The following LYST variants were observed in gnomAD, a reference collection of about 807,000 sequenced individuals.
LYST encodes lysosomal trafficking regulator.
A neutral mutation model predicts 413.6 loss-of-function variants in LYST; 192 were observed. The observed-to-expected ratio is 0.46, with a 90% CI of 0.41 to 0.52. The LOEUF (loss-of-function observed/expected upper bound fraction) is 0.52, where lower values mean the gene tolerates loss of function less well. Ranked by LOEUF, LYST falls within the 20% of genes least tolerant of loss-of-function variation. The pLI, the probability that LYST is intolerant of heterozygous loss-of-function variation, is 0.00. For synonymous variants in LYST, 1,525 were observed against 1,567.3 expected, an observed-to-expected ratio of 0.97 and a Z score of 0.64; for missense variants, 3,815 against 4,499.9, an observed-to-expected ratio of 0.85 and a Z score of 4.35.
intron 38 of LYST, among the ~76,000 whole-genome samples, chr1:235,724,738 C>T (rs528317910): frequency 1.1e-4 from 16 of 152,296 alleles, no homozygotes; most frequent in Admixed American, 5.2e-4. Context: ...TATAGTTTTG[C>T]CTTTTCCAAA....
intron 1 of LYST, among the ~76,000 whole-genome samples, chr1:235,861,694 T>G (rs1024815080): frequency 2.0e-5 from 3 of 152,212 alleles, no homozygotes; most frequent in African/African-American, 4.8e-5. Flanking sequence ...GACGTGTTGC[T>G]GTGTTGCCCA....
chr1:235,804,399 T>C (rs1460169593), intron 7 of LYST, 105 bp downstream of exon 7: 3 of 882,114 alleles, frequency 3.4e-6, no homozygotes, highest in Non-Finnish European at 5.7e-6. Flanking sequence ...GACCAAGTCC[T>C]AGTCCATATG....
chr1:235,824,022 T>G (rs1423810243), intron 3 of LYST, among the ~76,000 whole-genome samples: 1 of 152,214 alleles, frequency 6.6e-6, no homozygotes, highest in Non-Finnish European at 1.5e-5. Flanking sequence ...AGGTCTGATA[T>G]TGTTCTATTT....
At chr1:235,860,392 G>C (rs1679724440) in intron 1 of LYST, among the ~76,000 whole-genome samples, 1 of 152,136 alleles carries the variant, frequency 6.6e-6, no homozygotes, top group Non-Finnish European at 1.5e-5. Flanking sequence ...ATTCACTCTT[G>C]ATGTGGTATA....
At chr1:235,672,604 CATG>C (rs1659034993) in intron 50 of LYST, among the ~76,000 whole-genome samples, 1 of 152,094 alleles carries the variant, frequency 6.6e-6, no homozygotes, top group African/African-American at 2.4e-5. Flanking sequence ...CTTTTCAAAT[CATG>C]ATATTTTAGT....
intron 1 of LYST, among the ~76,000 whole-genome samples, chr1:235,875,615 G>C (rs1572512273): frequency 6.6e-6 from 1 of 152,170 alleles, no homozygotes; most frequent in Admixed American, 6.5e-5. Context: ...GTCTAAATTA[G>C]TCTTCATCCT....
chr1:235,762,650 A>T (rs199738377), intron 22 of LYST, 70 bp downstream of exon 22: 2 of 1,482,524 alleles, frequency 1.3e-6, no homozygotes, highest in Non-Finnish European at 1.9e-6. Flanking sequence ...TAAAATATGT[A>T]CAATTTAATT....
chr1:235,728,053 T>C (rs887404675), intron 38 of LYST, 23 bp downstream of exon 38: 3 of 1,570,804 alleles, frequency 1.9e-6, no homozygotes, highest in Non-Finnish European at 2.6e-6. Flanking sequence ...TTTATGTAAA[T>C]ACAGACTTAA....
At position 235,782,091 on chromosome 1, in the gene LYST, C is replaced by A. The variant is rs201382097; in HGVS notation, c.4863-4G>T. 2 of 1,607,984 alleles carry A rather than the reference C, an allele frequency of 1.2e-6. No individual in the cohort carries two copies. The highest frequency in any genetic ancestry group is 1.7e-6 in the Non-Finnish European group (2 of 1,176,280). On this transcript the variant is annotated splice_region_variant and splice_polypyrimidine_tract_variant and intron_variant, in intron 14 of 52. Coordinates refer to ENST00000389793, the MANE Select transcript of LYST (RefSeq NM_000081.4). ...ATCCAAAGTAACATCAGGCTTCCTA[C>A]ATTAAAAACAAAACAAAGTTAAAGC...
chr1:235,750,702 TCTTC>T (rs1558187491), intron 28 of LYST, among the ~76,000 whole-genome samples: 1 of 152,198 alleles, frequency 6.6e-6, no homozygotes, highest in Non-Finnish European at 1.5e-5. Flanking sequence ...TTGATGACAT[TCTTC>T]CTTATTTAAT....
At chr1:235,740,493 T>C (rs1665271071) in intron 31 of LYST, among the ~76,000 whole-genome samples, 1 of 152,294 alleles carries the variant, frequency 6.6e-6, no homozygotes, top group South Asian at 2.1e-4. Context: ...TGCTTGTTCC[T>C]TCAGATGAAT....
In LYST at chr1:235,693,233, C is replaced by A. The variant is rs952445156; in HGVS notation, c.10701+117G>T. 7 of 598,058 alleles carry A rather than the reference C, an allele frequency of 1.2e-5. No individual in the cohort carries two copies. In the East Asian group the frequency reaches 1.9e-4, roughly 16 times the overall value. 37.0% of individuals were successfully genotyped at this position (598,058 alleles called of 1,614,324 possible). ...TTGGGAGGCTGAGGCAGGAGAATGG[C>A]GTGAGCCGGGAGGTGGAGCTTGCAG... is the stretch of plus-strand genomic sequence containing the variant. On this transcript the variant is annotated intron_variant, in intron 47 of 52. Coordinates refer to ENST00000389793, the MANE Select transcript of LYST (RefSeq NM_000081.4).
intron 1 of LYST, among the ~76,000 whole-genome samples, chr1:235,856,540 ATTAAT>A (rs776914787): frequency 1.6e-4 from 24 of 152,370 alleles, no homozygotes; most frequent in Middle Eastern, 3.4e-3. Context: ...AAGTATCAAC[ATTAAT>A]TTAAGATTAA....
At position 235,674,557 on chromosome 1, in the gene LYST, G is replaced by A. The variant is rs1333405954; in HGVS notation, c.11038+2534C>T. On this transcript the variant is annotated intron_variant, in intron 50 of 52. Transcript: ENST00000389793. This position sits in a 1 kb window ranked among gnomAD's most constrained non-coding sequence, Gnocchi z 4.1. ...ATATTGTTCTCATGGGTAACTGCAA[G>A]CAAAAATGTAGACTGGATAAATTAC... is the stretch of plus-strand genomic sequence containing the variant. Among the ~76,000 whole-genome samples, 2 of 152,166 alleles carry A rather than the reference G, an allele frequency of 1.3e-5. No individual in the cohort carries two copies. The highest frequency in any genetic ancestry group is 2.4e-5 in the African/African-American group (1 of 41,430).
chr1:235,847,411 C>A (rs1274904527), intron 1 of LYST, among the ~76,000 whole-genome samples: 1 of 152,092 alleles, frequency 6.6e-6, no homozygotes, highest in Non-Finnish European at 1.5e-5. Context: ...GGAAACACAT[C>A]AAAACAGAAC....
intron 3 of LYST, among the ~76,000 whole-genome samples, chr1:235,821,539 T>G (rs982713148): frequency 6.6e-6 from 1 of 152,246 alleles, no homozygotes; most frequent in Non-Finnish European, 1.5e-5. Flanking sequence ...TTTTATCAAA[T>G]GTTTTTGATG....
intron 1 of LYST, among the ~76,000 whole-genome samples, chr1:235,852,016 G>C (rs889608416): frequency 6.6e-6 from 1 of 152,160 alleles, no homozygotes; most frequent in Admixed American, 6.5e-5. Flanking sequence ...TAAAAGAAAT[G>C]ATAGCAGTTG....
In LYST at chr1:235,682,559, C is replaced by G. The variant is rs182093490; in HGVS notation, c.10800+4390G>C. 7.2e-5 allele frequency among the ~76,000 whole-genome samples: 11 copies of G among 152,272 alleles called. No individual in the cohort carries two copies. In the East Asian group the frequency reaches 2.1e-3, roughly 29 times the overall value. Reference sequence around the variant, plus strand: ...TATCAGACAACCTGGGGCTGGAACACAATGCACAGCTCTTAGAATAAGATC... The same window carrying G: ...TATCAGACAACCTGGGGCTGGAACAGAATGCACAGCTCTTAGAATAAGATC... On this transcript the variant is annotated intron_variant, in intron 48 of 52. Coordinates refer to ENST00000389793, the MANE Select transcript of LYST (RefSeq NM_000081.4).
At chr1:235,721,129 T>C (rs1195575703) in intron 39 of LYST, among the ~76,000 whole-genome samples, 1 of 152,106 alleles carries the variant, frequency 6.6e-6, no homozygotes, top group Non-Finnish European at 1.5e-5. Flanking sequence ...CAGAAATATG[T>C]TAATAAAAAC....
Sources: gnomAD v4.1 joint callset for allele counts (sites outside exome capture counted in the v4.1 genomes callset) on GRCh38, gnomAD v4.1.1 for gene constraint, Gnocchi (gnomAD v3.1) non-coding constraint, MANE v1.5 for transcripts, NCBI Gene and HGNC (gene_info 2026-07-23, HGNC 2026-07-21) for gene names.